The following BMS1 variants were observed in gnomAD, a reference collection of about 807,000 sequenced individuals.
BMS1 encodes the protein ribosome biogenesis protein BMS1 homolog.
In BMS1, 53 loss-of-function variants were observed where a neutral mutation model predicts 138.7. The ratio of observed to expected loss-of-function variants is 0.38; its 90% CI spans 0.31 to 0.48. The LOEUF is 0.48. BMS1 is among the 20% of genes least tolerant of loss of function. The probability of loss-of-function intolerance (pLI) is 0.97; values close to 1 mark genes in which losing one functional copy is unlikely to be tolerated. For missense variants in BMS1, 1,360 were observed against 1,565.5 expected, an observed-to-expected ratio of 0.87 and a Z score of 2.22; for synonymous variants, 504 against 539.9, an observed-to-expected ratio of 0.93 and a Z score of 0.92.
Position 42,817,489 on chromosome 10 carries a change from G to A in BMS1, c.2575G>A (p.Ala859Thr), listed in dbSNP as rs765032845. The A allele has an allele frequency of 7.5e-6, 12 of 1,599,274 alleles. No individual in the cohort carries two copies. The South Asian group carries it at 1.4e-4, about 18-fold the overall frequency. Residue 859 changes from alanine (A) to threonine (T), a missense_variant, in exon 15 of 23, where the codon GCA (alanine) becomes ACA (threonine). By Grantham distance (58) the Ala-to-Thr change is moderately conservative. Coordinates refer to ENST00000374518, the MANE Select transcript of BMS1 (RefSeq NM_014753.4). ...DDLKGEMQKQ[A>T]QLNRAEFEDQ... ...TCTTAAAGGAGAAATGCAGAAACAA[G>A]CACAGGTGAGAAACCTCAGTTCCTC...
At chr10:42,799,394 A>G (rs1333193538) in intron 12 of BMS1, among the ~76,000 whole-genome samples, 2 of 152,226 alleles carry the variant, frequency 1.3e-5, no homozygotes, top group East Asian at 1.9e-4. Context: ...GGAGTGAGCC[A>G]TCGCGCCAGC....
At position 42,789,070 on chromosome 10, in the gene BMS1, G is replaced by GCGCA. The variant is rs1841425487; in HGVS notation, c.448-1252_448-1251insGCAC. ...CCAAAGCCTCCTGTGTACAGCAAAG[G>GCGCA]CACACACAGTACGTGGATTTGGGTG... On this transcript the variant is annotated intron_variant, in intron 4 of 22. Coordinates refer to ENST00000374518, the MANE Select transcript of BMS1 (RefSeq NM_014753.4). Among the ~76,000 whole-genome samples the GCGCA allele has an allele frequency of 2.0e-5, 3 of 152,272 alleles. No individual in the cohort carries two copies. The South Asian group carries it at 6.2e-4, about 32-fold the overall frequency.
chr10:42,784,267 T>G lies in BMS1; in HGVS notation c.-33-95T>G, dbSNP rs554469610. ...AGTGAACAAATACATCATCTCTTCA[T>G]AAAGAAATAAATGAAATTTACTGTT... On this transcript the variant is annotated intron_variant, in intron 1 of 22. Coordinates refer to ENST00000374518, the MANE Select transcript of BMS1 (RefSeq NM_014753.4). 7 of 914,994 alleles carry G rather than the reference T, an allele frequency of 7.7e-6. No homozygotes were observed. In the South Asian group the frequency reaches 1.4e-4, roughly 19 times the overall value. 56.7% of individuals were successfully genotyped at this position (914,994 alleles called of 1,614,324 possible).
At chr10:42,794,764 C>CTT (rs200428735) in intron 9 of BMS1, among the ~76,000 whole-genome samples, 5 of 146,156 alleles carry the variant, frequency 3.4e-5, no homozygotes, top group Non-Finnish European at 4.5e-5. Context: ...TCATTTCCTT[C>CTT]TTTTTTTTTT....
intron 15 of BMS1, among the ~76,000 whole-genome samples, chr10:42,818,209 G>T (rs1347543364): frequency 6.6e-6 from 1 of 152,220 alleles, no homozygotes; most frequent in African/African-American, 2.4e-5. Flanking sequence ...CTAGTCAAAG[G>T]ACTATTTCCT....
In BMS1 at chr10:42,802,155, G is replaced by C. The variant is rs200877574; in HGVS notation, c.2266G>C (p.Asp756His). ...DLEEVMNSIR[D>H]CFVTGKWEDD... ...GCGTAAGGTTATGAACAGTATCAGA[G>C]ATTGCTTCGTGACTGGAAAGTGGGA... Residue 756 changes from aspartate to histidine, a missense_variant, in exon 13 of 23, where the codon GAT becomes CAT. Coordinates refer to ENST00000374518, the MANE Select transcript of BMS1 (RefSeq NM_014753.4). 60 of 1,613,348 alleles carry C rather than the reference G, an allele frequency of 3.7e-5. No homozygotes were observed. Among genetic ancestry groups the C allele is most frequent in the Non-Finnish European group, 5.0e-5 (59 of 1,179,646 alleles).
Position 42,796,956 on chromosome 10 carries a change from A to G in BMS1, c.1712A>G (p.Lys571Arg). 6.2e-7 allele frequency: 1 copy of G among 1,614,228 alleles called. No individual in the cohort carries two copies. The highest frequency in any genetic ancestry group is 8.5e-7 in the Non-Finnish European group (1 of 1,180,034). ...CTGGAGAAGTCTTTGCTGATGAAGA[A>G]AGCAGCTCTCCCCACTTTCGATTCT... ...VNLEKSLLMKKAALPTFDSGH... is the reference protein window; with the variant it reads ...VNLEKSLLMKRAALPTFDSGH... The change falls in exon 10 of 23, where the codon AAA becomes AGA. Residue 571 changes from lysine (K) to arginine (R), a missense_variant. Physicochemically the swap from Lys to Arg is conservative, Grantham distance 26. This residue lies in a region of BMS1 where 697 missense variants were observed against 686.2 expected (regional missense o/e 1.02). Coordinates refer to ENST00000374518, the MANE Select transcript of BMS1 (RefSeq NM_014753.4).
At chr10:42,807,513 C>T (rs1208553854) in intron 13 of BMS1, among the ~76,000 whole-genome samples, 1 of 152,168 alleles carries the variant, frequency 6.6e-6, no homozygotes, top group African/African-American at 2.4e-5. Context: ...CTCTGATGCC[C>T]AGTCTGGGGT....
intron 15 of BMS1, among the ~76,000 whole-genome samples, chr10:42,818,389 G>A (rs1842409652): frequency 6.6e-6 from 1 of 152,200 alleles, no homozygotes; most frequent in Non-Finnish European, 1.5e-5. Flanking sequence ...TCCTTGGAGG[G>A]TTTTGAGCAG....
intron 13 of BMS1, among the ~76,000 whole-genome samples, chr10:42,803,431 G>T (rs1322759886): frequency 6.6e-6 from 1 of 152,116 alleles, no homozygotes; most frequent in East Asian, 1.9e-4. Flanking sequence ...GAGCCACTGT[G>T]CCTAGTCTGT....
intron 21 of BMS1, among the ~76,000 whole-genome samples, chr10:42,826,755 A>G (rs1445213114): frequency 6.6e-6 from 1 of 152,198 alleles, no homozygotes; most frequent in East Asian, 1.9e-4. Context: ...CAGCTCAGCC[A>G]AGACACTGAT....
At position 42,834,152 on chromosome 10, in the gene BMS1, G is replaced by A. The variant is rs1842840334; in HGVS notation, c.*3056G>A. On this transcript the variant is annotated 3_prime_UTR_variant, in exon 23 of 23. Transcript: ENST00000374518. ...GTTTTGAAAACATATTGAACCTACAGTGTACATATCATTCCATGCCATTAA... is the reference window on the plus strand; with the variant it reads ...GTTTTGAAAACATATTGAACCTACAATGTACATATCATTCCATGCCATTAA... The A allele has an allele frequency of 6.6e-6, 1 of 152,160 alleles. No individual in the cohort carries two copies. Among genetic ancestry groups the A allele is most frequent in the South Asian group, 2.1e-4 (1 of 4,834 alleles). 9.4% of individuals were successfully genotyped at this position (152,160 alleles called of 1,614,324 possible).
At chr10:42,802,099 T>G (rs1451702993) in intron 12 of BMS1, 38 bp from the exon 13 acceptor site, 1 of 1,549,852 alleles carries the variant, frequency 6.5e-7, no homozygotes, top group Non-Finnish European at 8.8e-7. Flanking sequence ...GCTGAGTGAT[T>G]GGAACACCTC....
At chr10:42,795,010 G>A (rs974462762) in intron 9 of BMS1, among the ~76,000 whole-genome samples, 35 of 150,892 alleles carry the variant, frequency 2.3e-4, no homozygotes, top group African/African-American at 8.0e-4. Flanking sequence ...GAGAATATGC[G>A]GTGTTTGGTT....
At chr10:42,785,389 T>C in intron 2 of BMS1, 93 bp from the exon 3 acceptor site, 4 of 1,114,302 alleles carry the variant, frequency 3.6e-6, no homozygotes, top group Non-Finnish European at 5.0e-6. Flanking sequence ...GCTATAAGTG[T>C]ACCAAAAAAG....
At chr10:42,829,461 C>G (rs532512174) in intron 21 of BMS1, among the ~76,000 whole-genome samples, 1 of 152,304 alleles carries the variant, frequency 6.6e-6, no homozygotes, top group East Asian at 1.9e-4. Flanking sequence ...AGTTAAACTT[C>G]TTAATTAGAA....
At chr10:42,792,824 G>T (rs891787726) in intron 7 of BMS1, 133 bp from the exon 8 acceptor site, 1 of 1,290,454 alleles carries the variant, frequency 7.7e-7, no homozygotes, top group Non-Finnish European at 1.1e-6. Flanking sequence ...CACTGTTCCA[G>T]TGTGGCACAA....
At chr10:42,790,206 A>G (rs996142889) in intron 4 of BMS1, 117 bp from the exon 5 acceptor site, 6 of 924,212 alleles carry the variant, frequency 6.5e-6, no homozygotes, top group Non-Finnish European at 1.0e-5. Flanking sequence ...GTTCCAATAA[A>G]ACTTTAGTTA....
intron 2 of BMS1, 129 bp from the exon 3 acceptor site, chr10:42,785,353 C>G (rs1841294031): frequency 3.6e-5 from 25 of 685,102 alleles, no homozygotes; most frequent in Non-Finnish European, 5.9e-5. Context: ...GTTGTACTCT[C>G]TATAAAATGT....
Sources: gnomAD v4.1 joint callset for allele counts (sites outside exome capture counted in the v4.1 genomes callset) on GRCh38, gnomAD v4.1.1 for gene constraint, gnomAD v4.1.1 regional missense constraint, MANE v1.5 for transcripts, NCBI Gene and HGNC (gene_info 2026-07-23, HGNC 2026-07-21) for gene names.